TLK2: variants seen among roughly 807,000 people sequenced by gnomAD.
The protein encoded by TLK2 is tousled like kinase 2, also known as serine/threonine-protein kinase tousled-like 2.
Under a neutral mutation model 117.3 loss-of-function variants are expected in TLK2, and 6 were observed. The observed-to-expected ratio is 0.05, with a 90% CI of 0.03 to 0.10. The LOEUF (loss-of-function observed/expected upper bound fraction) is 0.10. Among genes scored for constraint, TLK2 ranks in the 10% least tolerant of loss-of-function variants. TLK2 has a pLI of 1.00. For missense variants in TLK2, 299 were observed against 901.2 expected (o/e 0.33, Z 8.56); for synonymous variants, 257 against 316.7 (o/e 0.81, Z 2.00).
chr17:62,529,660 A>C (rs2145710637), intron 6 of TLK2, among the ~76,000 whole-genome samples: 1 of 152,328 alleles, frequency 6.6e-6, no homozygotes, highest in African/African-American at 2.4e-5. Context: ...CAAATACCAT[A>C]TAATTAGATT....
chr17:62,503,923 G>A (rs1352538922), intron 2 of TLK2, among the ~76,000 whole-genome samples: 4 of 151,352 alleles, frequency 2.6e-5, no homozygotes, highest in Middle Eastern at 3.4e-3. Context: ...TAGTAGAGAC[G>A]GGGTTTCTCC....
intron 20 of TLK2, 39 bp downstream of exon 20, chr17:62,606,280 T>C: frequency 7.5e-7 from 1 of 1,336,086 alleles, no homozygotes; most frequent in Non-Finnish European, 1.1e-6. Context: ...GATCTCTTTC[T>C]TGGGTGGCAC....
chr17:62,595,612 T>C (rs951545881), intron 16 of TLK2, among the ~76,000 whole-genome samples: 4 of 152,004 alleles, frequency 2.6e-5, no homozygotes, highest in Non-Finnish European at 5.9e-5. Context: ...TATACTCTTA[T>C]GGGACCCCGT....
Position 62,613,548 on chromosome 17 carries a change from A to C in TLK2, c.*983A>C, listed in dbSNP as rs1172515583. ...GAAGCTATGCCAAAGGTAGGCAGAA[A>C]ATGGGCTTGGGAGCCAGACACTCCA... On this transcript the variant is annotated 3_prime_UTR_variant, in exon 22 of 22. Coordinates refer to ENST00000346027, the MANE Select transcript of TLK2 (RefSeq NM_006852.6). The C allele has an allele frequency of 6.6e-6, 1 of 152,608 alleles. No individual in the cohort carries two copies. 9.5% of individuals were successfully genotyped at this position (152,608 alleles called of 1,614,324 possible).
chr17:62,541,193 C>A (rs1178527905), intron 7 of TLK2, among the ~76,000 whole-genome samples: 1 of 152,172 alleles, frequency 6.6e-6, no homozygotes, highest in Non-Finnish European at 1.5e-5. Flanking sequence ...TTACTGAGCT[C>A]CTAGGCCCTG....
chr17:62,499,414 C>T (rs1327736845), intron 2 of TLK2, among the ~76,000 whole-genome samples: 6 of 152,064 alleles, frequency 3.9e-5, no homozygotes, highest in Non-Finnish European at 5.9e-5. Context: ...ATTCGCCCAC[C>T]TCAGCCTCCC....
intron 17 of TLK2, among the ~76,000 whole-genome samples, chr17:62,596,934 G>T (rs983158203): frequency 5.3e-5 from 8 of 152,182 alleles, no homozygotes; most frequent in Non-Finnish European, 7.3e-5. Context: ...GTGTTTGCCA[G>T]TTTCCGTGGT....
At chr17:62,497,498 A>G (rs2073814995) in intron 2 of TLK2, among the ~76,000 whole-genome samples, 1 of 151,876 alleles carries the variant, frequency 6.6e-6, no homozygotes, top group African/African-American at 2.4e-5. Context: ...TATTCCTCCC[A>G]CTCTTGAGAC....
chr17:62,523,057 A>T, intron 4 of TLK2, 77 bp from the exon 5 acceptor site: 2 of 1,384,484 alleles, frequency 1.4e-6, no homozygotes, highest in Non-Finnish European at 1.9e-6. Context: ...GTAGTTACTG[A>T]ATGTATAGTA....
chr17:62,587,066 A>T, intron 16 of TLK2, among the ~76,000 whole-genome samples: 1 of 151,958 alleles, frequency 6.6e-6, no homozygotes, highest in South Asian at 2.1e-4. Flanking sequence ...TCTCTATAGA[A>T]TAGTACTAGT....
intron 17 of TLK2, 86 bp from the exon 18 acceptor site, chr17:62,600,565 C>A: frequency 8.6e-7 from 1 of 1,165,008 alleles, no homozygotes; most frequent in Non-Finnish European, 1.2e-6. Flanking sequence ...AGCTGATGAC[C>A]TGAAGTTTTC....
chr17:62,608,493 G>T (rs548375424), intron 21 of TLK2, among the ~76,000 whole-genome samples: 26 of 152,316 alleles, frequency 1.7e-4, no homozygotes, highest in African/African-American at 6.0e-4. Context: ...CAGGGATTAT[G>T]ATTAATTTGG....
Position 62,613,218 on chromosome 17 carries a change from A to G in TLK2, c.*653A>G, listed in dbSNP as rs181759287. 2 of 152,786 alleles carry G rather than the reference A, an allele frequency of 1.3e-5. No individual in the cohort carries two copies. The highest frequency in any genetic ancestry group is 1.3e-4 in the Admixed American group (2 of 15,306). The allele number at this position is 152,786 out of a possible 1,614,324, so 9.5% of individuals were successfully genotyped here. A position where few individuals can be genotyped will look rare whatever the true frequency, so the allele number is the denominator to read the frequency against. ...TAAAGTGAAACCCGTATTAGCAAGT[A>G]CGTGGCAATGTTCATTCCAATCAGA... On this transcript the variant is annotated 3_prime_UTR_variant, in exon 22 of 22. Coordinates refer to ENST00000346027, the MANE Select transcript of TLK2 (RefSeq NM_006852.6).
Position 62,596,643 on chromosome 17 carries a change from C to T in TLK2, c.1519C>T (p.Leu507=). Residue 507 remains leucine (L), a synonymous_variant, in exon 17 of 22, where the codon CTG becomes TTG. Coordinates refer to ENST00000346027, the MANE Select transcript of TLK2 (RefSeq NM_006852.6). ...GCTGGATCATCCCAGAATAGTTAAG[C>T]TGTATGATTACTTTTCACTGGATAC... ...KELDHPRIVK[L]YDYFSLDTDS... The T allele has an allele frequency of 6.2e-7, 1 of 1,614,112 alleles. No homozygotes were observed.
intron 7 of TLK2, among the ~76,000 whole-genome samples, chr17:62,546,233 G>A (rs570822289): frequency 2.8e-4 from 42 of 151,988 alleles, no homozygotes; most frequent in Admixed American, 7.2e-4. Context: ...GGGTGGTCTG[G>A]AACTCCTGAG....
At chr17:62,556,574 C>T (rs1294280392) in intron 9 of TLK2, among the ~76,000 whole-genome samples, 2 of 152,190 alleles carry the variant, frequency 1.3e-5, no homozygotes, top group Admixed American at 6.5e-5. Context: ...AAATATAACA[C>T]GCATTCTCTC....
intron 7 of TLK2, among the ~76,000 whole-genome samples, chr17:62,548,236 A>ATGTG (rs759563217): frequency 5.9e-3 from 183 of 31,174 alleles, no homozygotes; most frequent in South Asian, 0.021. Flanking sequence ...CCATATATAT[A>ATGTG]TATATGTGTG....
chr17:62,540,068 CCTTTCTT>C (rs149576009), intron 7 of TLK2, among the ~76,000 whole-genome samples: 6,347 of 149,742 alleles, frequency 0.042, 254 homozygotes, highest in South Asian at 0.2. Context: ...TCTTCTTTCT[CCTTTCTT>C]CTTTCTTCTT....
At chr17:62,594,703 G>C (rs956568583) in intron 16 of TLK2, among the ~76,000 whole-genome samples, 23 of 152,098 alleles carry the variant, frequency 1.5e-4, no homozygotes, top group African/African-American at 5.6e-4. Context: ...CCCACTCAGG[G>C]TTGAGGGTGG....
Sources: gnomAD v4.1 joint callset for allele counts (sites outside exome capture counted in the v4.1 genomes callset) on GRCh38, gnomAD v4.1.1 for gene constraint, MANE v1.5 for transcripts, NCBI Gene and HGNC (gene_info 2026-07-23, HGNC 2026-07-21) for gene names.